CHD9: variants seen among roughly 807,000 people sequenced by gnomAD.
The protein encoded by CHD9 is chromodomain helicase DNA binding protein 9, also known as ATP-dependent chromatin remodeler CHD9.
A neutral mutation model predicts 316.1 loss-of-function variants in CHD9; 77 were observed. That is an observed-to-expected ratio of 0.24 (90% CI 0.20 to 0.29). The LOEUF (loss-of-function observed/expected upper bound fraction) is 0.29. Ranked by LOEUF, CHD9 falls within the 10% of genes least tolerant of loss-of-function variation. The pLI is 1.00. For synonymous variants in CHD9, 1,129 were observed against 1,158.3 expected, an observed-to-expected ratio of 0.97 and a Z score of 0.51; for missense variants, 2,763 against 3,438.1, an observed-to-expected ratio of 0.80 and a Z score of 4.91.
intron 24 of CHD9, among the ~76,000 whole-genome samples, chr16:53,278,300 A>C (rs940578870): frequency 1.3e-5 from 2 of 152,212 alleles, no homozygotes; most frequent in South Asian, 2.1e-4. Context: ...CTGCATAGCC[A>C]AAGCAAGACT....
intron 1 of CHD9, among the ~76,000 whole-genome samples, chr16:53,065,984 C>A (rs544052468): frequency 6.6e-6 from 1 of 152,164 alleles, no homozygotes; most frequent in African/African-American, 2.4e-5. Flanking sequence ...ACAGATGTTG[C>A]GTGCAGTTCA....
intron 12 of CHD9, among the ~76,000 whole-genome samples, chr16:53,239,666 A>G (rs2048926680): frequency 6.6e-6 from 1 of 152,090 alleles, no homozygotes; most frequent in South Asian, 2.1e-4. Flanking sequence ...GTGATATGAT[A>G]GAGGTTGAAG....
In CHD9 at chr16:53,304,582, A is replaced by T. The variant is rs752835287; in HGVS notation, c.6576A>T (p.Ser2192=). The change falls in exon 31 of 39, where the codon TCA becomes TCT. Residue 2192 remains serine, a synonymous_variant. Transcript: ENST00000447540. ...TSSSSSSSSS[S]SEESDSDEEE... ...CCTCCTCCTCCTCCTCTTCATCTTC[A>T]TCAGAAGAAAGTGACAGTGATGAAG... The T allele has an allele frequency of 6.5e-7, 1 of 1,548,828 alleles. No individual in the cohort carries two copies. The highest frequency in any genetic ancestry group is 8.7e-7 in the Non-Finnish European group (1 of 1,144,980).
chr16:53,327,125 G>T lies in CHD9; in HGVS notation c.*2230G>T, dbSNP rs1450953980. ...GAAAAGTTGTCCAGCTATCAGCTAAGAAAACACATGCAAATATGGTTGTGT... is the reference window on the plus strand; with the variant it reads ...GAAAAGTTGTCCAGCTATCAGCTAATAAAACACATGCAAATATGGTTGTGT... On this transcript the variant is annotated 3_prime_UTR_variant, in exon 39 of 39. Transcript: ENST00000447540. The T allele has an allele frequency of 6.6e-6, 1 of 152,130 alleles. No homozygotes were observed. Among genetic ancestry groups the T allele is most frequent in the Non-Finnish European group, 1.5e-5 (1 of 67,862 alleles). 9.4% of individuals were successfully genotyped at this position (152,130 alleles called of 1,614,324 possible). A position where few individuals can be genotyped will look rare whatever the true frequency, so the allele number is the denominator to read the frequency against.
In CHD9 at chr16:53,318,314, C is replaced by G. The variant is rs893801082; in HGVS notation, c.7687C>G (p.Leu2563Val). ...NSLTGEERVQ[L>V]INRRNARKVG... ...TCTCACTGGAGAAGAACGTGTTCAA[C>G]TGATTAACAGAAGAAATGCTAGAAA... Residue 2563 changes from leucine to valine, a missense_variant, in exon 37 of 39, where the codon CTG (leucine) becomes GTG (valine). Transcript: ENST00000447540. The G allele has an allele frequency of 6.2e-7, 1 of 1,606,062 alleles. No homozygotes were observed. Among genetic ancestry groups the G allele is most frequent in the Admixed American group, 1.7e-5 (1 of 58,222 alleles).
Position 53,101,273 on chromosome 16 carries a change from C to CTT in CHD9, c.-165+46214_-165+46215dup, listed in dbSNP as rs1012377760. ...CTCCAATCTCACATTTTTTCCTTTTCTTTTTTTTTTTTTTTTTTTGAGACA... is the reference window on the plus strand; with the variant it reads ...CTCCAATCTCACATTTTTTCCTTTTCTTTTTTTTTTTTTTTTTTTTTGAGACA... On this transcript the variant is annotated intron_variant, in intron 1 of 38. Coordinates refer to ENST00000447540, the MANE Select transcript of CHD9 (RefSeq NM_001308319.2). Among the ~76,000 whole-genome samples, 673 of 124,832 alleles carry CTT rather than the reference C, an allele frequency of 5.4e-3. 13 individuals are homozygous for CTT. Among genetic ancestry groups the CTT allele is most frequent in the African/African-American group, 0.012 (393 of 33,562 alleles). 81.9% of individuals were successfully genotyped at this position (124,832 alleles called of 152,430 possible).
chr16:53,179,299 C>G (rs556570489), intron 2 of CHD9, among the ~76,000 whole-genome samples: 4 of 150,824 alleles, frequency 2.7e-5, no homozygotes, highest in Non-Finnish European at 5.9e-5. Flanking sequence ...CAAGTTTTCC[C>G]AGTTGTTAGA....
intron 2 of CHD9, among the ~76,000 whole-genome samples, chr16:53,182,103 A>G (rs1323686905): frequency 6.6e-6 from 1 of 152,190 alleles, no homozygotes; most frequent in African/African-American, 2.4e-5. Context: ...TGCATGATTA[A>G]TTAAGCATGC....
intron 1 of CHD9, among the ~76,000 whole-genome samples, chr16:53,127,642 C>T (rs951368737): frequency 4.6e-5 from 7 of 151,960 alleles, no homozygotes; most frequent in African/African-American, 1.2e-4. Context: ...CCTTTCTCAA[C>T]GGGCACAGTG....
chr16:53,260,496 T>C (rs2050987083), intron 19 of CHD9, among the ~76,000 whole-genome samples: 1 of 151,992 alleles, frequency 6.6e-6, no homozygotes, highest in Admixed American at 6.6e-5. Flanking sequence ...AAAAGTTGAA[T>C]ATGAGTTTTT....
intron 1 of CHD9, among the ~76,000 whole-genome samples, chr16:53,096,132 ACTGCAG>A (rs2036359501): frequency 2.0e-5 from 3 of 150,472 alleles, no homozygotes; most frequent in Non-Finnish European, 2.9e-5. Flanking sequence ...ATCATGGGTC[ACTGCAG>A]CCTCAACTTC....
chr16:53,322,606 A>G (rs1407595814), intron 38 of CHD9, among the ~76,000 whole-genome samples: 5 of 151,892 alleles, frequency 3.3e-5, no homozygotes, highest in Admixed American at 6.6e-5. Flanking sequence ...AAAAAAAAAA[A>G]CATATCTTAG....
At chr16:53,095,278 G>C (rs2036280557) in intron 1 of CHD9, among the ~76,000 whole-genome samples, 1 of 152,188 alleles carries the variant, frequency 6.6e-6, no homozygotes. Flanking sequence ...AGGCGCAGTG[G>C]TTCATACCTA....
chr16:53,326,330 G>A lies in CHD9; in HGVS notation c.*1435G>A, dbSNP rs1012076343. ...GGTACTCAAATAAGTTAGTAGTAAAGTCTGCAAGGGCATAAATTTAGGGGG... is the reference window on the plus strand; with the variant it reads ...GGTACTCAAATAAGTTAGTAGTAAAATCTGCAAGGGCATAAATTTAGGGGG... On this transcript the variant is annotated 3_prime_UTR_variant, in exon 39 of 39. Transcript: ENST00000447540. The A allele has an allele frequency of 2.0e-5, 3 of 152,444 alleles. No individual in the cohort carries two copies. Among genetic ancestry groups the A allele is most frequent in the Non-Finnish European group, 4.4e-5 (3 of 67,912 alleles). 9.4% of individuals were successfully genotyped at this position (152,444 alleles called of 1,614,324 possible).
intron 1 of CHD9, among the ~76,000 whole-genome samples, chr16:53,113,759 G>A (rs755975772): frequency 6.6e-6 from 1 of 151,918 alleles, no homozygotes; most frequent in Non-Finnish European, 1.5e-5. Context: ...GGAGTGTAGC[G>A]GCACGATTGT....
At chr16:53,213,082 T>C (rs1476045161) in intron 3 of CHD9, among the ~76,000 whole-genome samples, 2 of 152,204 alleles carry the variant, frequency 1.3e-5, no homozygotes, top group Non-Finnish European at 2.9e-5. Flanking sequence ...TAAGATCAGC[T>C]TAAAAATTAA....
At position 53,087,977 on chromosome 16, in the gene CHD9, A is replaced by G. The variant is rs546290989; in HGVS notation, c.-165+32900A>G. Among the ~76,000 whole-genome samples the G allele has an allele frequency of 3.3e-5, 5 of 152,102 alleles. No homozygotes were observed. In the East Asian group the frequency reaches 9.7e-4, roughly 29 times the overall value. On this transcript the variant is annotated intron_variant, in intron 1 of 38. Transcript: ENST00000447540. The stretch of plus-strand genomic sequence containing the variant: ...AAAAAAAAAAATAGAAATCCAATCC[A>G]AGATACTTTTGAGCAAAACAGGAGT...
chr16:53,086,297 G>A (rs1337666368), intron 1 of CHD9, among the ~76,000 whole-genome samples: 1 of 152,154 alleles, frequency 6.6e-6, no homozygotes, highest in Non-Finnish European at 1.5e-5. Context: ...GAAATCAGTG[G>A]CCTGGAGCTT....
chr16:53,110,503 G>A (rs1374748290), intron 1 of CHD9, among the ~76,000 whole-genome samples: 2 of 152,338 alleles, frequency 1.3e-5, no homozygotes, highest in Admixed American at 6.5e-5. Context: ...GCTCACGCCT[G>A]TAATCCCAGC....
Sources: gnomAD v4.1 joint callset for allele counts (sites outside exome capture counted in the v4.1 genomes callset) on GRCh38, gnomAD v4.1.1 for gene constraint, MANE v1.5 for transcripts, NCBI Gene and HGNC (gene_info 2026-07-23, HGNC 2026-07-21) for gene names.